MICU3: variants seen among roughly 807,000 people sequenced by gnomAD.
MICU3 encodes the protein calcium uptake protein 3, mitochondrial.
In MICU3, 62 loss-of-function variants were observed where a neutral mutation model predicts 66.5. That is an observed-to-expected ratio of 0.93 (90% confidence interval 0.76 to 1.15). The LOEUF (loss-of-function observed/expected upper bound fraction) is 1.15. Among genes scored for constraint, MICU3 ranks in the 50% most tolerant of loss-of-function variants. The pLI is 0.00. For missense variants in MICU3, 779 were observed against 664.4 expected, an observed-to-expected ratio of 1.17 and a Z score of -1.90; for synonymous variants, 308 against 240.7, an observed-to-expected ratio of 1.28 and a Z score of -2.59.
chr8:17,124,424 G>T (rs1803352357), downstream of MICU3, among the ~76,000 whole-genome samples: 1 of 151,832 alleles, frequency 6.6e-6, no homozygotes, highest in Non-Finnish European at 1.5e-5. Flanking sequence ...TACATGCATG[G>T]TTAATATATT....
intron 1 of MICU3, among the ~76,000 whole-genome samples, chr8:17,049,851 C>G (rs910179717): frequency 3.3e-5 from 5 of 152,192 alleles, no homozygotes; most frequent in African/African-American, 1.2e-4. Flanking sequence ...CAAAATTTAT[C>G]TACATCTTTA....
intron 11 of MICU3, among the ~76,000 whole-genome samples, chr8:17,107,728 T>A (rs1252122510): frequency 1.3e-5 from 2 of 152,194 alleles, no homozygotes; most frequent in Non-Finnish European, 2.9e-5. Context: ...AAATATTGAC[T>A]CTCTGGCCCT....
intron 6 of MICU3, among the ~76,000 whole-genome samples, chr8:17,086,477 G>T (rs1292504355): frequency 2.2e-4 from 33 of 152,048 alleles, no homozygotes; most frequent in Non-Finnish European, 2.9e-5. Flanking sequence ...AGAATGATGG[G>T]GAGATGGCGG....
At chr8:17,100,556 C>T (rs890281000) in intron 9 of MICU3, among the ~76,000 whole-genome samples, 1 of 151,586 alleles carries the variant, frequency 6.6e-6, no homozygotes, top group Non-Finnish European at 1.5e-5. Context: ...TTTCAGGATT[C>T]AAATTGGTTC....
At chr8:17,117,723 C>T (rs2959602) in intron 13 of MICU3, among the ~76,000 whole-genome samples, 36,862 of 151,644 alleles carry the variant, frequency 0.24, 4,595 homozygotes, top group East Asian at 0.39. Flanking sequence ...ATTCCCTTGC[C>T]TCAGCCTCCT....
In MICU3 at chr8:17,072,454, GTT is replaced by G. The variant is rs536482819; in HGVS notation, c.567+2747_567+2748del. 1.3e-3 allele frequency among the ~76,000 whole-genome samples: 183 copies of G among 142,844 alleles called. 2 individuals carry two copies. The highest frequency in any genetic ancestry group is 1.6e-3 in the Non-Finnish European group (102 of 64,714). The allele number at this position is 142,844 out of a possible 152,430, so 93.7% of individuals were successfully genotyped here. A position where few individuals can be genotyped will look rare whatever the true frequency, so the allele number is the denominator to read the frequency against. On this transcript the variant is annotated intron_variant, in intron 3 of 14. Transcript: ENST00000318063. ...AAAGCAAAAATGAGAGGCATGAGAG[GTT>G]TTTTTTTTTTTAGATAAGACACAAA...
At chr8:17,068,112 A>G (rs888558512) in intron 2 of MICU3, among the ~76,000 whole-genome samples, 2 of 152,182 alleles carry the variant, frequency 1.3e-5, no homozygotes, top group Non-Finnish European at 2.9e-5. Context: ...TATAATGAAC[A>G]TCAACCTACA....
At position 17,040,612 on chromosome 8, in the gene MICU3, T is replaced by C. The variant is rs557011320; in HGVS notation, c.381+12952T>C. 3.9e-5 allele frequency among the ~76,000 whole-genome samples: 6 copies of C among 152,362 alleles called. No homozygotes were observed. In the South Asian group the frequency reaches 1.2e-3, roughly 32 times the overall value. On this transcript the variant is annotated intron_variant, in intron 1 of 14. Coordinates refer to ENST00000318063, the MANE Select transcript of MICU3 (RefSeq NM_181723.3). ...CATGAAATAGCAAATGCAGAGATTA[T>C]ATATTTTTATTTTCTCCCCCATAAA...
At chr8:17,125,642 A>G (rs1008689416), downstream of MICU3, among the ~76,000 whole-genome samples, 7 of 152,098 alleles carry the variant, frequency 4.6e-5, no homozygotes, top group Non-Finnish European at 4.4e-5. Flanking sequence ...GTTGGCTGCT[A>G]TTTTGTTCAA....
the MICU3 span, among the ~76,000 whole-genome samples, chr8:17,129,497 A>G: frequency 0.31 from 46,658 of 152,136 alleles, 7,765 homozygotes; most frequent in South Asian, 0.45. Flanking sequence ...GAAAAATACA[A>G]TACTTGAAAT....
intron 8 of MICU3, among the ~76,000 whole-genome samples, chr8:17,091,075 C>G (rs1313394358): frequency 2.6e-5 from 4 of 151,876 alleles, no homozygotes; most frequent in African/African-American, 9.7e-5. Context: ...TTCCTCTGCT[C>G]TACACAAAAA....
chr8:17,072,002 T>G (rs1318915067), intron 3 of MICU3, among the ~76,000 whole-genome samples: 2 of 152,064 alleles, frequency 1.3e-5, no homozygotes, highest in Non-Finnish European at 2.9e-5. Flanking sequence ...TAACTCCAAT[T>G]AAAATCCCAA....
intron 7 of MICU3, among the ~76,000 whole-genome samples, chr8:17,088,093 A>G (rs1799660269): frequency 6.6e-6 from 1 of 151,976 alleles, no homozygotes; most frequent in Admixed American, 6.6e-5. Flanking sequence ...ATCCCAATAT[A>G]TTTATGAAGT....
chr8:17,096,181 A>T (rs1282600009), intron 8 of MICU3, among the ~76,000 whole-genome samples: 1 of 151,934 alleles, frequency 6.6e-6, no homozygotes, highest in Non-Finnish European at 1.5e-5. Flanking sequence ...TCAAAGCATC[A>T]TAGTTGTCTG....
rs760174468 is a variant in MICU3, at chr8:17,064,196, C to T, written c.494C>T (p.Pro165Leu). The T allele has an allele frequency of 8.3e-5, 133 of 1,611,886 alleles. No homozygotes were observed. Among genetic ancestry groups the T allele is most frequent in the Non-Finnish European group, 1.0e-4 (123 of 1,178,764 alleles). Residue 165 changes from proline (P) to leucine (L), a missense_variant, in exon 2 of 15, where the codon CCG becomes CTG. By Grantham distance (98) the Pro-to-Leu change is moderately conservative. Coordinates refer to ENST00000318063, the MANE Select transcript of MICU3 (RefSeq NM_181723.3). ...IECEGQLFMT[P>L]YDFILAVTTD... ...TGTGAAGGGCAGTTATTCATGACTC[C>T]GTATGATTTTATTTTGGCTGTTACA...
intron 14 of MICU3, among the ~76,000 whole-genome samples, chr8:17,119,548 G>GATAGATAGATAA (rs554090964): frequency 1.0e-3 from 152 of 147,326 alleles, no homozygotes; most frequent in African/African-American, 3.7e-3. Context: ...TAGATAGATA[G>GATAGATAGATAA]ATAGATAGAT....
chr8:17,101,517 G>A (rs948797184), intron 9 of MICU3, among the ~76,000 whole-genome samples: 1 of 151,828 alleles, frequency 6.6e-6, no homozygotes, highest in African/African-American at 2.4e-5. Context: ...CATCTCATAA[G>A]ATTTTGATGC....
chr8:17,063,307 T>C (rs1352303795), intron 1 of MICU3, among the ~76,000 whole-genome samples: 4 of 152,162 alleles, frequency 2.6e-5, no homozygotes, highest in African/African-American at 7.2e-5. Context: ...TATTGAAGCA[T>C]GTATGGTAAA....
At chr8:17,069,152 C>T (rs1033484197) in intron 2 of MICU3, among the ~76,000 whole-genome samples, 2 of 152,176 alleles carry the variant, frequency 1.3e-5, no homozygotes, top group South Asian at 2.1e-4. Context: ...AGTAATGAAA[C>T]AGGACAAGTT....
Sources: gnomAD v4.1 joint callset for allele counts (sites outside exome capture counted in the v4.1 genomes callset) on GRCh38, gnomAD v4.1.1 for gene constraint, MANE v1.5 for transcripts, NCBI Gene and HGNC (gene_info 2026-07-23, HGNC 2026-07-21) for gene names.